The following SLC35F3 variants were observed in gnomAD, a reference collection of about 807,000 sequenced individuals.
SLC35F3 encodes the protein putative thiamine transporter SLC35F3.
SLC35F3 carries 25 observed loss-of-function variants against 49.9 expected under a neutral mutation model. That is an observed-to-expected ratio of 0.50 (90% confidence interval 0.37 to 0.70). The LOEUF (loss-of-function observed/expected upper bound fraction) is 0.70, where lower values mean the gene tolerates loss of function less well. Among genes scored for constraint, SLC35F3 ranks in the 30% least tolerant of loss-of-function variants. SLC35F3 has a pLI of 0.00. For missense variants in SLC35F3, 525 were observed against 639.8 expected, an observed-to-expected ratio of 0.82 and a Z score of 1.94; for synonymous variants, 275 against 265.4, an observed-to-expected ratio of 1.04 and a Z score of -0.35.
chr1:233,976,251 G>GA (rs368121437), intron 2 of SLC35F3, among the ~76,000 whole-genome samples: 2 of 152,194 alleles, frequency 1.3e-5, no homozygotes, highest in East Asian at 3.9e-4. Context: ...AGATAAACAA[G>GA]AAAAAGCAGA....
chr1:233,912,672 G>GT (rs1486227290), intron 2 of SLC35F3, among the ~76,000 whole-genome samples: 1 of 152,200 alleles, frequency 6.6e-6, no homozygotes, highest in Non-Finnish European at 1.5e-5. Flanking sequence ...TTATATAGTA[G>GT]TGAGCAGGTG....
chr1:234,178,226 G>C (rs946020169), intron 2 of SLC35F3, among the ~76,000 whole-genome samples: 3 of 152,114 alleles, frequency 2.0e-5, no homozygotes, highest in Admixed American at 2.0e-4. Context: ...GGGCTATGTT[G>C]CTTCTCACAT....
intron 2 of SLC35F3, among the ~76,000 whole-genome samples, chr1:233,993,755 G>A (rs9435489): frequency 0.28 from 41,874 of 151,972 alleles, 6,011 homozygotes; most frequent in East Asian, 0.49. Flanking sequence ...TCCTGGACCT[G>A]AGTCAGCATA....
intron 2 of SLC35F3, among the ~76,000 whole-genome samples, chr1:234,202,930 C>T (rs972642353): frequency 6.6e-6 from 1 of 152,180 alleles, no homozygotes; most frequent in Non-Finnish European, 1.5e-5. Context: ...TGCTGAAACA[C>T]CAATAGAGAG....
intron 5 of SLC35F3, among the ~76,000 whole-genome samples, chr1:234,317,330 G>A (rs764323029): frequency 1.6e-4 from 25 of 152,092 alleles, no homozygotes; most frequent in Non-Finnish European, 3.7e-4. Context: ...CCCACACTCA[G>A]GTCCCTTTCT....
intron 2 of SLC35F3, among the ~76,000 whole-genome samples, chr1:234,064,734 A>T (rs1159923317): frequency 6.6e-6 from 1 of 151,982 alleles, no homozygotes; most frequent in Non-Finnish European, 1.5e-5. Context: ...ACTGCGTTCA[A>T]ATAGATCCCA....
At chr1:234,169,103 G>A (rs1389941755) in intron 2 of SLC35F3, among the ~76,000 whole-genome samples, 1 of 152,172 alleles carries the variant, frequency 6.6e-6, no homozygotes, top group Non-Finnish European at 1.5e-5. Context: ...AGTGGCTAAT[G>A]CCAGAAGAAG....
At chr1:234,115,380 T>C (rs1323372831) in intron 2 of SLC35F3, among the ~76,000 whole-genome samples, 1 of 152,206 alleles carries the variant, frequency 6.6e-6, no homozygotes, top group Non-Finnish European at 1.5e-5. Flanking sequence ...CCTTCCCTTG[T>C]ATGCACTTAC....
intron 2 of SLC35F3, among the ~76,000 whole-genome samples, chr1:234,053,951 A>C (rs1222687273): frequency 6.6e-6 from 1 of 152,198 alleles, no homozygotes; most frequent in Non-Finnish European, 1.5e-5. Context: ...CTTTTCTTTA[A>C]GAATGTTGAA....
chr1:234,172,657 A>G lies in SLC35F3; in HGVS notation c.284-58760A>G, dbSNP rs1666416239. ...CTCACAAACCTAGATGGTATAGCCT[A>G]CTATACACCTAGGCTATATGCTATT... On this transcript the variant is annotated intron_variant, in intron 2 of 7. Coordinates refer to ENST00000366618, the MANE Select transcript of SLC35F3 (RefSeq NM_173508.4). Among the ~76,000 whole-genome samples, 5 of 152,248 alleles carry G rather than the reference A, an allele frequency of 3.3e-5. No homozygotes were observed. In the South Asian group the frequency reaches 1.0e-3, roughly 31 times the overall value.
chr1:234,100,620 G>A (rs1665200149), intron 2 of SLC35F3, among the ~76,000 whole-genome samples: 1 of 152,196 alleles, frequency 6.6e-6, no homozygotes, highest in Non-Finnish European at 1.5e-5. Flanking sequence ...ACAACTTGGT[G>A]ATCTAACTTG....
At chr1:234,271,258 ATTG>A (rs1668099429) in intron 3 of SLC35F3, among the ~76,000 whole-genome samples, 1 of 152,154 alleles carries the variant, frequency 6.6e-6, no homozygotes, top group Admixed American at 6.5e-5. Context: ...GTTTATTCCT[ATTG>A]TTGTCATGAG....
At chr1:234,290,153 A>G (rs1572137066) in intron 3 of SLC35F3, among the ~76,000 whole-genome samples, 1 of 152,226 alleles carries the variant, frequency 6.6e-6, no homozygotes, top group Non-Finnish European at 1.5e-5. Context: ...ACAGAGATAT[A>G]AAGTGATGAG....
chr1:234,063,471 A>C (rs946540058), intron 2 of SLC35F3, among the ~76,000 whole-genome samples: 10 of 152,174 alleles, frequency 6.6e-5, no homozygotes, highest in African/African-American at 2.4e-4. Context: ...GATTACCCCT[A>C]TCTTGTCTCC....
At chr1:233,944,224 C>T (rs139704660) in intron 2 of SLC35F3, among the ~76,000 whole-genome samples, 1,527 of 152,202 alleles carry the variant, frequency 0.01, 10 homozygotes, top group South Asian at 0.016. Flanking sequence ...CACAAAAAAA[C>T]ATCCAGTAGA....
intron 2 of SLC35F3, among the ~76,000 whole-genome samples, chr1:234,084,323 G>A (rs539952217): frequency 1.3e-5 from 2 of 152,228 alleles, no homozygotes; most frequent in South Asian, 4.2e-4. Context: ...ATGTGCCTGT[G>A]TGGATTATAT....
At chr1:233,946,982 T>C (rs1352313754) in intron 2 of SLC35F3, among the ~76,000 whole-genome samples, 1 of 152,214 alleles carries the variant, frequency 6.6e-6, no homozygotes, top group Non-Finnish European at 1.5e-5. Context: ...AATATTCAAA[T>C]GTCATTGATA....
intron 2 of SLC35F3, among the ~76,000 whole-genome samples, chr1:233,921,307 G>A (rs1477511435): frequency 2.0e-5 from 3 of 151,944 alleles, no homozygotes; most frequent in Non-Finnish European, 2.9e-5. Context: ...GCCCCACCCC[G>A]ACACATGCAC....
chr1:234,176,564 G>A (rs1666478647), intron 2 of SLC35F3, among the ~76,000 whole-genome samples: 1 of 152,108 alleles, frequency 6.6e-6, no homozygotes, highest in Non-Finnish European at 1.5e-5. Context: ...AATCAATTGG[G>A]AAGCCCTTTG....
Sources: allele counts gnomAD v4.1 joint callset (sites outside exome capture counted in the v4.1 genomes callset), GRCh38; gene constraint gnomAD v4.1.1; transcripts MANE v1.5; gene names NCBI Gene and HGNC (gene_info 2026-07-23, HGNC 2026-07-21).